Variants in REV1 observed in about 807,000 individuals in gnomAD.
REV1 encodes the protein translesion synthesis protein REV1.
In REV1, 42 loss-of-function variants were observed where a neutral mutation model predicts 137.4. The observed-to-expected ratio is 0.31, with a 90% confidence interval of 0.24 to 0.40. The LOEUF (loss-of-function observed/expected upper bound fraction) is 0.40, where lower values mean the gene tolerates loss of function less well. Ranked by LOEUF, REV1 falls within the 10% of genes least tolerant of loss-of-function variation. REV1 has a pLI of 1.00. For synonymous variants in REV1, 524 were observed against 519.2 expected, an observed-to-expected ratio of 1.01 and a Z score of -0.12; for missense variants, 1,282 against 1,490.1, an observed-to-expected ratio of 0.86 and a Z score of 2.30.
chr2:99,401,377 T>C (rs749795049), intron 22 of REV1, 25 bp from the exon 23 acceptor site: 1 of 1,500,280 alleles, frequency 6.7e-7, no homozygotes, highest in Non-Finnish European at 9.3e-7. Flanking sequence ...AGAAGAAATG[T>C]CATTAGGAAT....
chr2:99,456,532 C>T (rs1452979728), intron 3 of REV1, among the ~76,000 whole-genome samples: 2 of 152,136 alleles, frequency 1.3e-5, no homozygotes, highest in African/African-American at 2.4e-5. Flanking sequence ...CCTGAGGAAG[C>T]AGAAGGAACT....
intron 1 of REV1, among the ~76,000 whole-genome samples, chr2:99,470,045 C>T (rs1400220980): frequency 5.3e-5 from 8 of 151,194 alleles, no homozygotes; most frequent in Non-Finnish European, 7.4e-5. Flanking sequence ...GGCGTGAACC[C>T]GGGAGGTGGA....
chr2:99,410,551 G>T, intron 14 of REV1, 144 bp downstream of exon 14: 1 of 702,852 alleles, frequency 1.4e-6, no homozygotes, highest in Non-Finnish European at 2.3e-6. Flanking sequence ...AATGCCTTGG[G>T]CTGATGCCTG....
chr2:99,442,554 C>T, intron 4 of REV1, 85 bp from the exon 5 acceptor site: 1 of 1,247,332 alleles, frequency 8.0e-7, no homozygotes, highest in South Asian at 1.3e-5. Flanking sequence ...CTTAAAGATA[C>T]AGTATTTCAC....
intron 5 of REV1, 48 bp downstream of exon 5, chr2:99,442,269 A>AC: frequency 6.9e-7 from 1 of 1,442,550 alleles, no homozygotes; most frequent in East Asian, 2.4e-5. Context: ...AAAAAAAAAA[A>AC]AAAAAAACCA....
Position 99,421,540 on chromosome 2 carries a change from TC to T in REV1, c.1789del (p.Glu597LysfsTer36). The T allele has an allele frequency of 6.2e-7, 1 of 1,614,116 alleles. No homozygotes were observed. The highest frequency in any genetic ancestry group is 8.5e-7 in the Non-Finnish European group (1 of 1,179,968). ...AGCACATTTCGTCTGGTCTTTGATT[TC>T]CATACGAACAGCATTTGCAAATTCA... Reference protein sequence around the residue: ...PDEFANAVRMEIKDQTKCAAS... With the variant: ...PDEFANAVRMXIKDQTKCAAS... On this transcript the variant is annotated frameshift_variant, in exon 11 of 23. Transcript: ENST00000258428. LOFTEE classifies it high-confidence loss of function.
chr2:99,456,042 C>T (rs139937616), intron 3 of REV1, among the ~76,000 whole-genome samples: 48 of 152,294 alleles, frequency 3.2e-4, no homozygotes, highest in African/African-American at 1.1e-3. Flanking sequence ...CCACTGTCCA[C>T]TAAGTCTGAA....
intron 6 of REV1, 114 bp downstream of exon 6, chr2:99,438,483 GACAT>G (rs1207602075): frequency 1.5e-6 from 1 of 684,184 alleles, no homozygotes; most frequent in African/African-American, 1.8e-5. Flanking sequence ...TACATGATTT[GACAT>G]ACTTAGAGAC....
At chr2:99,423,653 A>G (rs751915540) in intron 10 of REV1, among the ~76,000 whole-genome samples, 1 of 152,122 alleles carries the variant, frequency 6.6e-6, no homozygotes, top group African/African-American at 2.4e-5. Context: ...AAGCCAACTC[A>G]TCAACCATTT....
At chr2:99,477,687 A>C (rs1450333061) in intron 1 of REV1, among the ~76,000 whole-genome samples, 1 of 152,242 alleles carries the variant, frequency 6.6e-6, no homozygotes, top group Non-Finnish European at 1.5e-5. Flanking sequence ...ATGTATAACA[A>C]ACATTTGTAT....
intron 1 of REV1, among the ~76,000 whole-genome samples, chr2:99,470,363 G>A (rs1482324784): frequency 2.6e-5 from 4 of 152,110 alleles, no homozygotes; most frequent in African/African-American, 9.7e-5. Context: ...GTATACATTT[G>A]TAAAAAGCAA....
At chr2:99,463,922 C>A (rs957977635) in intron 2 of REV1, among the ~76,000 whole-genome samples, 1 of 152,162 alleles carries the variant, frequency 6.6e-6, no homozygotes, top group African/African-American at 2.4e-5. Flanking sequence ...CCACGCCCAA[C>A]CTCAGAGCAT....
At position 99,401,575 on chromosome 2, in the gene REV1, C is replaced by T. The variant is rs57093686; in HGVS notation, c.3645-223G>A. ...CAGCCTGGCCAACATGGTAAAACCC[C>T]GTCTCTACAAAAAATAGAAAAATTA... On this transcript the variant is annotated intron_variant, in intron 22 of 22. Coordinates refer to ENST00000258428, the MANE Select transcript of REV1 (RefSeq NM_016316.4). 0.027 allele frequency among the ~76,000 whole-genome samples: 4,085 copies of T among 151,948 alleles called. 133 individuals carry two copies. The highest frequency in any genetic ancestry group is 0.078 in the African/African-American group (3,241 of 41,454).
At chr2:99,433,218 C>A (rs935715331) in intron 8 of REV1, among the ~76,000 whole-genome samples, 1 of 152,078 alleles carries the variant, frequency 6.6e-6, no homozygotes, top group African/African-American at 2.4e-5. Flanking sequence ...ACTACCAATA[C>A]CTAAGAAACT....
At position 99,439,149 on chromosome 2, in the gene REV1, G is replaced by T. The variant is rs1399057143; in HGVS notation, c.665C>A (p.Thr222Asn). ...QNGIPHPRGS[T>N]AIFNGHTPSS... The stretch of plus-strand genomic sequence containing the variant: ...AGGAGTGTGTCCATTAAAAATGGCA[G>T]TGCTCCCTCTGGGATGCGGAATTCC... The change falls in exon 6 of 23, where the codon ACT (threonine) becomes AAT (asparagine). Residue 222 changes from threonine (T) to asparagine (N), a missense_variant. Around this residue, in one of 7 missense-constraint regions of REV1, gnomAD observed 432 missense variants for 438.0 expected, o/e 0.99. Transcript: ENST00000258428. The T allele has an allele frequency of 1.9e-6, 3 of 1,614,134 alleles. No homozygotes were observed. The highest frequency in any genetic ancestry group is 1.1e-5 in the South Asian group (1 of 91,078).
At chr2:99,401,824 T>C (rs1405432259) in intron 22 of REV1, among the ~76,000 whole-genome samples, 1 of 152,208 alleles carries the variant, frequency 6.6e-6, no homozygotes, top group African/African-American at 2.4e-5. Flanking sequence ...GCTGGAGCCA[T>C]GCAGTGGTGC....
chr2:99,407,080 CTTTT>C (rs869170472), intron 15 of REV1, among the ~76,000 whole-genome samples: 92 of 60,042 alleles, frequency 1.5e-3, no homozygotes, highest in African/African-American at 4.9e-3. Context: ...TACAAAGGTT[CTTTT>C]TTTTTTTTTT....
chr2:99,428,614 A>G (rs1057142975), intron 9 of REV1, among the ~76,000 whole-genome samples: 35 of 152,216 alleles, frequency 2.3e-4, no homozygotes, highest in African/African-American at 8.2e-4. Flanking sequence ...AATTTAAAAA[A>G]AACTATTATG....
chr2:99,435,870 C>A lies in REV1; in HGVS notation c.1285G>T (p.Val429Leu), dbSNP rs1159758659. 6 of 1,607,302 alleles carry A rather than the reference C, an allele frequency of 3.7e-6. No homozygotes were observed. Among genetic ancestry groups the A allele is most frequent in the Non-Finnish European group, 5.1e-6 (6 of 1,174,768 alleles). ...GGTCTATTTCGTATACCCACTGATA[C>A]AAAGAAGCAATCCATATCAACATGC... ...IMHVDMDCFFVSVGIRNRPDL... is the reference protein window; with the variant it reads ...IMHVDMDCFFLSVGIRNRPDL... Residue 429 changes from valine (V) to leucine (L), a missense_variant, in exon 7 of 23, where the codon GTA becomes TTA. Around this residue, in one of 7 missense-constraint regions of REV1, gnomAD observed 432 missense variants for 438.0 expected, o/e 0.99. Coordinates refer to ENST00000258428, the MANE Select transcript of REV1 (RefSeq NM_016316.4).
Sources: gnomAD v4.1 joint callset for allele counts (sites outside exome capture counted in the v4.1 genomes callset) on GRCh38, gnomAD v4.1.1 for gene constraint, gnomAD v4.1.1 regional missense constraint, MANE v1.5 for transcripts, NCBI Gene and HGNC (gene_info 2026-07-23, HGNC 2026-07-21) for gene names.